The following MET variants were observed in gnomAD, a reference collection of about 807,000 sequenced individuals.
MET encodes the protein MET proto-oncogene, receptor tyrosine kinase, also known as hepatocyte growth factor receptor.
Under a neutral mutation model 133.1 loss-of-function variants are expected in MET, and 48 were observed. The observed-to-expected ratio is 0.36, with a 90% CI of 0.29 to 0.46. The LOEUF (loss-of-function observed/expected upper bound fraction) is 0.46. Ranked by LOEUF, MET falls within the 20% of genes least tolerant of loss-of-function variation. MET has a pLI of 1.00. For synonymous variants in MET, 628 were observed against 616.5 expected (o/e 1.02, Z -0.28); for missense variants, 1,442 against 1,695.9 (o/e 0.85, Z 2.63).
At chr7:116,696,082 T>C (rs1406412610) in intron 1 of MET, among the ~76,000 whole-genome samples, 3 of 152,090 alleles carry the variant, frequency 2.0e-5, no homozygotes, top group African/African-American at 7.2e-5. Context: ...TTGGTCAGCC[T>C]GGGTTCAAAC....
rs1191956704 is a variant in MET at position 116,757,461 on chromosome 7, C to T, written c.1887C>T (p.Ala629=). The T allele has an allele frequency of 3.1e-6, 5 of 1,613,284 alleles. No individual in the cohort carries two copies. The highest frequency in any genetic ancestry group is 3.4e-6 in the Non-Finnish European group (4 of 1,179,876). Residue 629 remains alanine (A), a synonymous_variant, in exon 7 of 21, where the codon GCC becomes GCT. Coordinates refer to ENST00000397752, the MANE Select transcript of MET (RefSeq NM_000245.4). ...MNTLKCTVGP[A]MNKHFNMSII... ...GATTGAAATGCACAGTTGGTCCTGC[C>T]ATGAATAAGCATTTCAATATGTCCA...
rs2116835080 is a variant in MET, at chr7:116,740,902, C to T, written c.1578C>T (p.Cys526=). The stretch of plus-strand genomic sequence containing the variant: ...TGGGCTGCAGACATTTCCAGTCCTG[C>T]AGTCAATGCCTCTCTGCCCCACCCT... ...NGLGCRHFQS[C]SQCLSAPPFV... is the part of the protein sequence containing the mutation. The change falls in exon 5 of 21, where the codon TGC becomes TGT. Residue 526 remains cysteine, a synonymous_variant. Coordinates refer to ENST00000397752, the MANE Select transcript of MET (RefSeq NM_000245.4). The T allele has an allele frequency of 1.2e-6, 2 of 1,614,164 alleles. No homozygotes were observed. The highest frequency in any genetic ancestry group is 1.7e-6 in the Non-Finnish European group (2 of 1,180,032).
At chr7:116,728,256 C>T (rs911540603) in intron 2 of MET, among the ~76,000 whole-genome samples, 5 of 152,132 alleles carry the variant, frequency 3.3e-5, no homozygotes, top group African/African-American at 1.2e-4. Flanking sequence ...TCTGCAGATC[C>T]TATTCCAACA....
chr7:116,717,117 T>C (rs1451812191), intron 2 of MET, among the ~76,000 whole-genome samples: 1 of 152,178 alleles, frequency 6.6e-6, no homozygotes, highest in African/African-American at 2.4e-5. Context: ...GTCCTCTTCA[T>C]AGCACAAAAC....
chr7:116,757,770 A>G lies in MET; in HGVS notation c.2098A>G (p.Lys700Glu), dbSNP rs1562922253. 1 of 1,613,832 alleles carries G rather than the reference A, an allele frequency of 6.2e-7. No homozygotes were observed. The highest frequency in any genetic ancestry group is 8.5e-7 in the Non-Finnish European group (1 of 1,179,806). Residue 700 changes from lysine to glutamate, a missense_variant, in exon 8 of 21, where the codon AAA becomes GAA. Transcript: ENST00000397752. ...AATTGGTGGAAAAACATGTACTTTA[A>G]AAAGGTGTTGTAAATTTATTTTTTG... ...ISIGGKTCTL[K>E]SVSNSILECY...
At chr7:116,773,071 GA>G (rs377420134) in intron 14 of MET, among the ~76,000 whole-genome samples, 3,330 of 150,454 alleles carry the variant, frequency 0.022, 129 homozygotes, top group African/African-American at 0.077. Flanking sequence ...AATTTTCTTT[GA>G]AAAAAAAACT....
At chr7:116,791,323 C>T (rs576122628) in intron 19 of MET, among the ~76,000 whole-genome samples, 24 of 152,258 alleles carry the variant, frequency 1.6e-4, no homozygotes, top group African/African-American at 5.8e-4. Flanking sequence ...ACCAGCGATC[C>T]ATAAGAGTTC....
At chr7:116,780,410 T>A (rs1795123585) in intron 17 of MET, among the ~76,000 whole-genome samples, 2 of 152,300 alleles carry the variant, frequency 1.3e-5, no homozygotes, top group African/African-American at 4.8e-5. Context: ...AAACATTCCC[T>A]GGCAGTGAAC....
intron 1 of MET, among the ~76,000 whole-genome samples, chr7:116,689,440 A>G (rs1796694162): frequency 6.6e-6 from 1 of 152,180 alleles, no homozygotes; most frequent in South Asian, 2.1e-4. Context: ...TGTCATATAA[A>G]ATACATTCCT....
At chr7:116,684,084 T>A (rs1384544481) in intron 1 of MET, among the ~76,000 whole-genome samples, 1 of 152,216 alleles carries the variant, frequency 6.6e-6, no homozygotes, top group Admixed American at 6.5e-5. Context: ...ACATCAGGGT[T>A]ATTAACTCAA....
At chr7:116,777,499 A>G (rs1327228661) in intron 16 of MET, 30 bp downstream of exon 16, 2 of 1,601,866 alleles carry the variant, frequency 1.2e-6, no homozygotes, top group South Asian at 2.2e-5. Context: ...ACCATGGAGT[A>G]TACTTTTGTG....
At chr7:116,767,961 C>CAT (rs35523419) in intron 11 of MET, among the ~76,000 whole-genome samples, 34,442 of 138,424 alleles carry the variant, frequency 0.25, 4,348 homozygotes, top group South Asian at 0.37. Context: ...TTCTAATATG[C>CAT]ATATATATAT....
At chr7:116,726,610 A>G (rs1304837412) in intron 2 of MET, among the ~76,000 whole-genome samples, 3 of 152,172 alleles carry the variant, frequency 2.0e-5, no homozygotes, top group Non-Finnish European at 4.4e-5. Flanking sequence ...AAAGTGGAGC[A>G]CAGCTGCCAG....
At chr7:116,738,781 C>T (rs937291155) in intron 3 of MET, among the ~76,000 whole-genome samples, 4 of 152,118 alleles carry the variant, frequency 2.6e-5, no homozygotes, top group Non-Finnish European at 5.9e-5. Context: ...TACAATTGTT[C>T]CCCAGAACAT....
chr7:116,749,536 T>C (rs1793834694), intron 5 of MET, among the ~76,000 whole-genome samples: 1 of 152,202 alleles, frequency 6.6e-6, no homozygotes, highest in South Asian at 2.1e-4. Context: ...GCATTCCCTT[T>C]GAAAACCAGC....
intron 5 of MET, among the ~76,000 whole-genome samples, chr7:116,749,612 A>G: frequency 6.6e-6 from 1 of 152,184 alleles, no homozygotes; most frequent in East Asian, 1.9e-4. Context: ...TGGCCAGGGC[A>G]ATCAGGCAGG....
rs1554395868 is a variant in MET, at chr7:116,759,350, G to A, written c.2265-41G>A. On this transcript the variant is annotated intron_variant, in intron 9 of 20. Transcript: ENST00000397752. The stretch of plus-strand genomic sequence containing the variant: ...CCTCTCTTACAGTACTTGGTGGAAA[G>A]AACCTCTCAACATTGTCAGTTTTCT... 6.3e-7 allele frequency: 1 copy of A among 1,597,956 alleles called. No individual in the cohort carries two copies. Among genetic ancestry groups the A allele is most frequent in the Non-Finnish European group, 8.5e-7 (1 of 1,170,970 alleles).
intron 1 of MET, among the ~76,000 whole-genome samples, chr7:116,677,570 G>C (rs1171455840): frequency 2.0e-5 from 3 of 152,204 alleles, no homozygotes; most frequent in Non-Finnish European, 4.4e-5. Context: ...TTGACTCAGT[G>C]TCTTTAAAAC....
chr7:116,789,978 C>T (rs906631536), intron 19 of MET, among the ~76,000 whole-genome samples: 3 of 152,112 alleles, frequency 2.0e-5, no homozygotes, highest in Admixed American at 2.0e-4. Flanking sequence ...TCGATAGGCC[C>T]CAGTGTGTGT....
Sources: allele counts gnomAD v4.1 joint callset (sites outside exome capture counted in the v4.1 genomes callset), GRCh38; gene constraint gnomAD v4.1.1; transcripts MANE v1.5; gene names NCBI Gene and HGNC (gene_info 2026-07-23, HGNC 2026-07-21).